Variants in PTPN4 observed in about 807,000 individuals in gnomAD.
The protein encoded by PTPN4 is tyrosine-protein phosphatase non-receptor type 4.
Under a neutral mutation model 135.5 loss-of-function variants are expected in PTPN4, and 49 were observed. The ratio of observed to expected loss-of-function variants is 0.36; its 90% confidence interval spans 0.29 to 0.46. The LOEUF (loss-of-function observed/expected upper bound fraction) is 0.46. Among genes scored for constraint, PTPN4 ranks in the 20% least tolerant of loss-of-function variants. PTPN4 has a pLI of 1.00. For missense variants in PTPN4, 860 were observed against 1,101.0 expected (o/e 0.78, Z 3.10); for synonymous variants, 333 against 369.9 (o/e 0.90, Z 1.14).
intron 15 of PTPN4, among the ~76,000 whole-genome samples, chr2:119,941,555 A>G (rs1679062227): frequency 6.6e-6 from 1 of 152,140 alleles, no homozygotes. Flanking sequence ...AGCTCCCTAG[A>G]CTAACCTAAC....
Position 119,900,797 on chromosome 2 carries a change from C to T in PTPN4, c.755C>T (p.Thr252Ile). The T allele has an allele frequency of 6.5e-7, 1 of 1,544,412 alleles. No homozygotes were observed. Among genetic ancestry groups the T allele is most frequent in the Non-Finnish European group, 8.8e-7 (1 of 1,134,126 alleles). Reference sequence around the variant, plus strand: ...TATAAGAACAGGGTACGAATGAATACCTTTCCATGGTAAGAACATCTATTG... The same window carrying T: ...TATAAGAACAGGGTACGAATGAATATCTTTCCATGGTAAGAACATCTATTG... ...LIYKNRVRMN[T>I]FPWLKIVKIS... Residue 252 changes from threonine (T) to isoleucine (I), a missense_variant, in exon 10 of 27, where the codon ACC (threonine) becomes ATC (isoleucine). By Grantham distance (89) the Thr-to-Ile change is moderately conservative. Around this residue, in one of 2 missense-constraint regions of PTPN4, gnomAD observed 684 missense variants for 807.0 expected, o/e 0.85. Coordinates refer to ENST00000263708, the MANE Select transcript of PTPN4 (RefSeq NM_002830.4).
intron 2 of PTPN4, among the ~76,000 whole-genome samples, chr2:119,842,878 T>C (rs997171424): frequency 1.3e-5 from 2 of 151,432 alleles, no homozygotes; most frequent in African/African-American, 4.9e-5. Context: ...GTGTGTGTAT[T>C]TGCATGGATG....
intron 18 of PTPN4, among the ~76,000 whole-genome samples, chr2:119,950,227 C>A (rs1335418018): frequency 6.6e-6 from 1 of 152,140 alleles, no homozygotes; most frequent in Non-Finnish European, 1.5e-5. Context: ...CACTATACTT[C>A]AGGTATCTCA....
intron 1 of PTPN4, among the ~76,000 whole-genome samples, chr2:119,796,799 G>C (rs1224066530): frequency 6.6e-6 from 1 of 152,090 alleles, no homozygotes; most frequent in Non-Finnish European, 1.5e-5. Flanking sequence ...ATTCCCACCA[G>C]TGATGAATGA....
intron 14 of PTPN4, among the ~76,000 whole-genome samples, 195 bp from the exon 15 acceptor site, chr2:119,934,605 A>G (rs536895098): frequency 6.6e-6 from 1 of 152,260 alleles, no homozygotes; most frequent in African/African-American, 2.4e-5. Context: ...CAGATTGTTG[A>G]TTGTAACTCA....
chr2:119,845,842 T>C (rs1677490451), intron 2 of PTPN4, among the ~76,000 whole-genome samples: 1 of 152,224 alleles, frequency 6.6e-6, no homozygotes, highest in Admixed American at 6.5e-5. Context: ...CTATAAATTT[T>C]TCTCCAGTTT....
At chr2:119,922,864 G>T (rs758901639) in intron 12 of PTPN4, among the ~76,000 whole-genome samples, 2 of 152,152 alleles carry the variant, frequency 1.3e-5, no homozygotes, top group African/African-American at 4.8e-5. Context: ...TTAAGGTTTT[G>T]TCTTTCTTCC....
chr2:119,814,009 TAAAAA>T (rs911775036), intron 2 of PTPN4, among the ~76,000 whole-genome samples: 1 of 151,592 alleles, frequency 6.6e-6, no homozygotes, highest in Non-Finnish European at 1.5e-5. Context: ...GTGCCATACT[TAAAAA>T]AAAATGTATA....
At chr2:119,818,002 C>T (rs765002187) in intron 2 of PTPN4, among the ~76,000 whole-genome samples, 40 of 151,994 alleles carry the variant, frequency 2.6e-4, no homozygotes, top group Non-Finnish European at 4.9e-4. Flanking sequence ...GATTTTTGCA[C>T]GTTGATTTTG....
At chr2:119,968,099 C>T in intron 26 of PTPN4, 127 bp downstream of exon 26, 1 of 815,254 alleles carries the variant, frequency 1.2e-6, no homozygotes, top group South Asian at 3.3e-5. Context: ...CAAATAACCT[C>T]TAGCACAGGG....
At chr2:119,830,451 C>A (rs988849569) in intron 2 of PTPN4, among the ~76,000 whole-genome samples, 28 of 151,992 alleles carry the variant, frequency 1.8e-4, no homozygotes, top group African/African-American at 6.8e-4. Context: ...TCTCATGATA[C>A]CTGGTGTAAC....
At chr2:119,853,778 CTGT>C (rs1223653290) in intron 2 of PTPN4, among the ~76,000 whole-genome samples, 1 of 152,022 alleles carries the variant, frequency 6.6e-6, no homozygotes, top group Non-Finnish European at 1.5e-5. Flanking sequence ...TTCTTCTTTT[CTGT>C]TGTTCCAAGT....
At chr2:119,887,294 G>A (rs993407177) in intron 9 of PTPN4, among the ~76,000 whole-genome samples, 14 of 152,078 alleles carry the variant, frequency 9.2e-5, no homozygotes, top group African/African-American at 3.1e-4. Context: ...TTCAAGACCA[G>A]CCTGGGAAAC....
chr2:119,821,840 A>T (rs1473899425), intron 2 of PTPN4, among the ~76,000 whole-genome samples: 1 of 152,230 alleles, frequency 6.6e-6, no homozygotes, highest in Non-Finnish European at 1.5e-5. Context: ...AGAGAATTTT[A>T]GATTGGAAAT....
At chr2:119,939,948 G>A (rs1206344913) in intron 15 of PTPN4, among the ~76,000 whole-genome samples, 1 of 152,222 alleles carries the variant, frequency 6.6e-6, no homozygotes, top group Non-Finnish European at 1.5e-5. Flanking sequence ...CATATTAGAT[G>A]CTGTTGTATT....
At chr2:119,861,388 AG>A (rs1403858303) in intron 2 of PTPN4, among the ~76,000 whole-genome samples, 1 of 152,198 alleles carries the variant, frequency 6.6e-6, no homozygotes, top group Admixed American at 6.5e-5. Flanking sequence ...CATGAATTCT[AG>A]GGGACAAACT....
At chr2:119,833,760 G>A (rs1677252087) in intron 2 of PTPN4, among the ~76,000 whole-genome samples, 1 of 152,008 alleles carries the variant, frequency 6.6e-6, no homozygotes, top group Non-Finnish European at 1.5e-5. Context: ...TCACACCCAC[G>A]TGAGACTTTT....
intron 2 of PTPN4, among the ~76,000 whole-genome samples, chr2:119,841,287 C>T (rs1363907140): frequency 6.6e-6 from 1 of 152,090 alleles, no homozygotes; most frequent in East Asian, 1.9e-4. Flanking sequence ...CTGTAATAAA[C>T]TTGTGTATTC....
At chr2:119,808,850 A>G (rs1048711881) in intron 1 of PTPN4, among the ~76,000 whole-genome samples, 1 of 152,184 alleles carries the variant, frequency 6.6e-6, no homozygotes, top group South Asian at 2.1e-4. Context: ...ATCTTTTGAA[A>G]TGAATAATCT....
Sources: allele counts gnomAD v4.1 joint callset (sites outside exome capture counted in the v4.1 genomes callset), GRCh38; gene constraint gnomAD v4.1.1; regional missense constraint gnomAD v4.1.1; transcripts MANE v1.5; gene names NCBI Gene and HGNC (gene_info 2026-07-23, HGNC 2026-07-21).